FNIP1: variants seen among roughly 807,000 people sequenced by gnomAD.
FNIP1 encodes folliculin-interacting protein 1.
FNIP1 carries 40 observed loss-of-function variants against 124.5 expected under a neutral mutation model. The ratio of observed to expected loss-of-function variants is 0.32; its 90% CI spans 0.25 to 0.42. The LOEUF (loss-of-function observed/expected upper bound fraction) is 0.42, where lower values mean the gene tolerates loss of function less well. FNIP1 is among the 10% of genes least tolerant of loss of function. The pLI is 1.00. For synonymous variants in FNIP1, 472 were observed against 470.6 expected (o/e 1.00, Z -0.04); for missense variants, 1,176 against 1,403.7 (o/e 0.84, Z 2.59).
intron 2 of FNIP1, among the ~76,000 whole-genome samples, chr5:131,735,555 T>C (rs1770267992): frequency 6.7e-6 from 1 of 148,584 alleles, no homozygotes; most frequent in South Asian, 2.1e-4. Flanking sequence ...TGTATATACA[T>C]ATACACATAT....
intron 1 of FNIP1, among the ~76,000 whole-genome samples, chr5:131,747,232 G>A (rs1200460085): frequency 6.6e-6 from 1 of 151,998 alleles, no homozygotes; most frequent in Admixed American, 6.5e-5. Context: ...TGTCCACCAG[G>A]CACAATTCTT....
At chr5:131,777,524 G>C (rs1168110438) in intron 1 of FNIP1, among the ~76,000 whole-genome samples, 1 of 151,974 alleles carries the variant, frequency 6.6e-6, no homozygotes, top group East Asian at 1.9e-4. Context: ...ACCAGCCAAA[G>C]ATGATTCACA....
intron 5 of FNIP1, among the ~76,000 whole-genome samples, chr5:131,718,301 T>C (rs1432703389): frequency 6.6e-6 from 1 of 152,110 alleles, no homozygotes; most frequent in African/African-American, 2.4e-5. Flanking sequence ...TAACAATTAA[T>C]GGGGGCTCTA....
At chr5:131,660,974 GT>G (rs1056395577) in intron 15 of FNIP1, among the ~76,000 whole-genome samples, 2 of 152,212 alleles carry the variant, frequency 1.3e-5, no homozygotes, top group African/African-American at 4.8e-5. Context: ...GGTCTGGTGG[GT>G]ATTCTAGGTG....
At chr5:131,745,569 C>T (rs569083056) in intron 1 of FNIP1, among the ~76,000 whole-genome samples, 78 of 152,046 alleles carry the variant, frequency 5.1e-4, no homozygotes, top group Middle Eastern at 3.4e-3. Flanking sequence ...CTTTAGAACA[C>T]AGTTTTTTAA....
intron 1 of FNIP1, among the ~76,000 whole-genome samples, chr5:131,770,955 T>G (rs1365907824): frequency 6.6e-6 from 1 of 152,192 alleles, no homozygotes; most frequent in Non-Finnish European, 1.5e-5. Context: ...TTTATTATTA[T>G]ACTTTAAGTT....
chr5:131,701,642 G>A (rs1768902661), intron 10 of FNIP1, among the ~76,000 whole-genome samples: 1 of 152,058 alleles, frequency 6.6e-6, no homozygotes, highest in African/African-American at 2.4e-5. Context: ...TTCTCTAAAG[G>A]CAGATCATCC....
At chr5:131,673,985 G>A (rs145798225) in intron 13 of FNIP1, among the ~76,000 whole-genome samples, 2,893 of 152,084 alleles carry the variant, frequency 0.019, 44 homozygotes, top group Middle Eastern at 0.078. Flanking sequence ...GCACTGAGCC[G>A]AGATGACACC....
At chr5:131,732,626 G>C (rs1047009859) in intron 2 of FNIP1, among the ~76,000 whole-genome samples, 7 of 152,200 alleles carry the variant, frequency 4.6e-5, no homozygotes, top group Non-Finnish European at 8.8e-5. Context: ...GTTTGTCAAA[G>C]ATCAGATAGT....
At chr5:131,676,605 A>G (rs567773216) in intron 13 of FNIP1, among the ~76,000 whole-genome samples, 1 of 152,214 alleles carries the variant, frequency 6.6e-6, no homozygotes, top group South Asian at 2.1e-4. Flanking sequence ...CAATAAATAC[A>G]AAAACTAGCC....
intron 1 of FNIP1, among the ~76,000 whole-genome samples, chr5:131,749,569 T>A (rs1400921956): frequency 2.0e-5 from 3 of 152,000 alleles, no homozygotes; most frequent in African/African-American, 4.8e-5. Context: ...TTTTTATATT[T>A]TTAGTAGACA....
rs541022053 is a variant in FNIP1, at chr5:131,733,150, G to A, written c.220-2112C>T. 4.7e-3 allele frequency among the ~76,000 whole-genome samples: 718 copies of A among 152,242 alleles called. 4 individuals are homozygous for A. Among genetic ancestry groups the A allele is most frequent in the African/African-American group, 0.017 (686 of 41,526 alleles). ...CTGTTTGTCTGTTATTGGTGTATAA[G>A]AATGCTTGTGATTTTTGCACATTGA... On this transcript the variant is annotated intron_variant, in intron 2 of 17. Transcript: ENST00000510461.
intron 2 of FNIP1, among the ~76,000 whole-genome samples, chr5:131,734,798 G>A (rs1770231558): frequency 2.6e-5 from 4 of 152,128 alleles, no homozygotes; most frequent in Admixed American, 2.6e-4. Context: ...TCATTAAAAA[G>A]TCAGGAAACA....
intron 1 of FNIP1, among the ~76,000 whole-genome samples, chr5:131,757,995 G>T (rs191633410): frequency 6.6e-6 from 1 of 152,300 alleles, no homozygotes; most frequent in East Asian, 1.9e-4. Context: ...CTGAAATGGT[G>T]AAGTGTTACT....
intron 11 of FNIP1, among the ~76,000 whole-genome samples, chr5:131,698,231 T>C (rs1324395939): frequency 6.6e-6 from 1 of 152,164 alleles, no homozygotes; most frequent in Non-Finnish European, 1.5e-5. Flanking sequence ...TTCTAGAGTC[T>C]TAGTTTTCAC....
intron 14 of FNIP1, among the ~76,000 whole-genome samples, 200 bp downstream of exon 14, chr5:131,671,305 T>G (rs148720485): frequency 1.1e-3 from 167 of 152,292 alleles, no homozygotes; most frequent in African/African-American, 3.8e-3. Context: ...CCTTTAACTT[T>G]TATTTGAGGT....
At chr5:131,712,944 T>C (rs2149538343) in intron 6 of FNIP1, among the ~76,000 whole-genome samples, 1 of 152,376 alleles carries the variant, frequency 6.6e-6, no homozygotes, top group Non-Finnish European at 1.5e-5. Context: ...TATTATTTTA[T>C]ATTACCTTAT....
chr5:131,670,409 G>A (rs1767715595), intron 15 of FNIP1, 54 bp downstream of exon 15: 3 of 1,444,976 alleles, frequency 2.1e-6, no homozygotes, highest in Non-Finnish European at 2.7e-6. Context: ...TTTGGGTTCT[G>A]CTGCTTAACA....
At position 131,792,213 on chromosome 5, in the gene FNIP1, T is replaced by A. The variant is rs546790680; in HGVS notation, c.92+4617A>T. 3.7e-3 allele frequency among the ~76,000 whole-genome samples: 546 copies of A among 148,080 alleles called. 4 individuals are homozygous for A. The highest frequency in any genetic ancestry group is 0.013 in the African/African-American group (516 of 39,472). On this transcript the variant is annotated intron_variant, in intron 1 of 17. Coordinates refer to ENST00000510461, the MANE Select transcript of FNIP1 (RefSeq NM_133372.3). The stretch of plus-strand genomic sequence containing the variant: ...TTCACTCTTGTTGCCCAGGGTGGAG[T>A]GCAATGGCGCGATCTCAGCTCACTG...
Sources: allele counts gnomAD v4.1 joint callset (sites outside exome capture counted in the v4.1 genomes callset), GRCh38; gene constraint gnomAD v4.1.1; transcripts MANE v1.5; gene names NCBI Gene and HGNC (gene_info 2026-07-23, HGNC 2026-07-21).